Variants in ZNF879 observed in about 807,000 individuals in gnomAD.
The protein encoded by ZNF879 is zinc finger protein 879.
Under a neutral mutation model 44.3 loss-of-function variants are expected in ZNF879, and 32 were observed. The observed-to-expected ratio is 0.72, with a 90% CI of 0.54 to 0.97. The LOEUF is 0.97. Ranked by LOEUF, ZNF879 falls within the 50% of genes least tolerant of loss-of-function variation. The pLI, the probability that ZNF879 is intolerant of heterozygous loss-of-function variation, is 0.00. For missense variants in ZNF879, 621 were observed against 669.7 expected (o/e 0.93, Z 0.80); for synonymous variants, 234 against 233.2 (o/e 1.00, Z -0.03).
rs1291448959 is a variant in ZNF879, at chr5:179,032,905, T to A, written c.957T>A (p.Asn319Lys). 7 of 1,570,816 alleles carry A rather than the reference T, an allele frequency of 4.5e-6. No homozygotes were observed. The highest frequency in any genetic ancestry group is 6.0e-6 in the Non-Finnish European group (7 of 1,157,952). ...IHTGEKPYKC[N>K]ECGRAFSQCS... ...CAGGAGAGAAGCCCTATAAGTGTAA[T>A]GAATGTGGGAGGGCCTTCAGTCAGT... is the stretch of plus-strand genomic sequence containing the variant. Residue 319 changes from asparagine to lysine, a missense_variant, in exon 5 of 5, where the codon AAT becomes AAA. Physicochemically the swap from Asn to Lys is moderately conservative, Grantham distance 94. Transcript: ENST00000444149.
rs751554012 is a variant in ZNF879, at chr5:179,032,871, G to T, written c.923G>T (p.Arg308Leu). The change falls in exon 5 of 5, where the codon CGA becomes CTA. Residue 308 changes from arginine (R) to leucine (L), a missense_variant. Physicochemically the swap from Arg to Leu is moderately radical, Grantham distance 102. Transcript: ENST00000444149. ...KGSSSLNNHQ[R>L]IHTGEKPYKC... ...AGTTCATCTCTTAATAATCACCAGC[G>T]AATTCACACAGGAGAGAAGCCCTAT... is the stretch of plus-strand genomic sequence containing the variant. 4 of 1,568,118 alleles carry T rather than the reference G, an allele frequency of 2.6e-6. No individual in the cohort carries two copies. The highest frequency in any genetic ancestry group is 2.6e-6 in the Non-Finnish European group (3 of 1,156,546).
At chr5:179,028,926 G>C (rs928149343) in intron 4 of ZNF879, among the ~76,000 whole-genome samples, 1 of 152,050 alleles carries the variant, frequency 6.6e-6, no homozygotes, top group Non-Finnish European at 1.5e-5. Context: ...TCACTTTTGC[G>C]TTTCCATTCG....
chr5:179,033,765 A>G lies in ZNF879; in HGVS notation c.*125A>G. On this transcript the variant is annotated 3_prime_UTR_variant, in exon 5 of 5. Transcript: ENST00000444149. ...AGGTAAAACTTCAGCATTAGACCTC[A>G]TCACACATCAGAGACTTCATGATGC... 1 of 648,156 alleles carries G rather than the reference A, an allele frequency of 1.5e-6. No homozygotes were observed. The highest frequency in any genetic ancestry group is 2.5e-6 in the Non-Finnish European group (1 of 397,278). 40.2% of individuals were successfully genotyped at this position (648,156 alleles called of 1,614,324 possible).
In ZNF879 at chr5:179,032,541, A is replaced by G. The variant is rs1395772910; in HGVS notation, c.593A>G (p.Asn198Ser). 7.1e-6 allele frequency: 11 copies of G among 1,551,774 alleles called. No homozygotes were observed. In the East Asian group the frequency reaches 2.4e-4, roughly 34 times the overall value. Residue 198 changes from asparagine to serine, a missense_variant, in exon 5 of 5, where the codon AAC becomes AGC. Coordinates refer to ENST00000444149, the MANE Select transcript of ZNF879 (RefSeq NM_001136116.3). ...YSVLFKQLGV[N>S]TVRKCYKCNI... is the part of the protein sequence containing the mutation. ...GTTCTCTTTAAACAACTGGGGGTCA[A>G]CACAGTGCGTAAATGTTATAAATGT... is the stretch of plus-strand genomic sequence containing the variant.
In ZNF879 at chr5:179,028,101, G is replaced by A. The variant is rs766871185; in HGVS notation, c.230G>A (p.Ser77Asn). ...GGAGAAGACCCCTGGATGGTGGAGA[G>A]TGGAGTTCCCCAAGGCGCACATCTC... Reference protein sequence around the residue: ...EQGEDPWMVESGVPQGAHLGW... With the variant: ...EQGEDPWMVENGVPQGAHLGW... The change falls in exon 4 of 5, where the codon AGT becomes AAT. Residue 77 changes from serine (S) to asparagine (N), a missense_variant. By Grantham distance (46) the Ser-to-Asn change is conservative. Coordinates refer to ENST00000444149, the MANE Select transcript of ZNF879 (RefSeq NM_001136116.3). The A allele has an allele frequency of 4.5e-6, 7 of 1,551,580 alleles. No individual in the cohort carries two copies. In the South Asian group the frequency reaches 8.3e-5, roughly 18 times the overall value.
rs1011770022 is a variant in ZNF879, at chr5:179,032,822, G to A, written c.874G>A (p.Glu292Lys). ...TGGAGAGAGACCTTATAAATGCAAG[G>A]AATGTGGAAAAACATTTAAAGGTAG... Reference protein sequence around the residue: ...HTGERPYKCKECGKTFKGSSS... With the variant: ...HTGERPYKCKKCGKTFKGSSS... The change falls in exon 5 of 5, where the codon GAA becomes AAA. Residue 292 changes from glutamate to lysine, a missense_variant. By Grantham distance (56) the Glu-to-Lys change is moderately conservative (BLOSUM62 1). Coordinates refer to ENST00000444149, the MANE Select transcript of ZNF879 (RefSeq NM_001136116.3). 1 of 1,555,346 alleles carries A rather than the reference G, an allele frequency of 6.4e-7. No homozygotes were observed. Among genetic ancestry groups the A allele is most frequent in the Non-Finnish European group, 8.7e-7 (1 of 1,149,320 alleles).
chr5:179,032,001 T>C (rs144741879), intron 4 of ZNF879, among the ~76,000 whole-genome samples: 48 of 152,288 alleles, frequency 3.2e-4, no homozygotes, highest in Admixed American at 1.4e-3. Flanking sequence ...TGTTGTCCCC[T>C]AATTTCCTCA....
rs559076917 is a variant in ZNF879, at chr5:179,033,477, A to G, written c.1529A>G (p.Lys510Arg). ...IQHQRIHTGE[K>R]PYNCKVCGKA... ...CACCAGAGAATTCATACTGGAGAGA[A>G]ACCATATAATTGTAAAGTGTGTGGG... The change falls in exon 5 of 5, where the codon AAA becomes AGA. Residue 510 changes from lysine (K) to arginine (R), a missense_variant. Transcript: ENST00000444149. 3.8e-6 allele frequency: 6 copies of G among 1,565,152 alleles called. No homozygotes were observed. The South Asian group carries it at 7.0e-5, about 18-fold the overall frequency.
At chr5:179,024,319 C>G (rs1761197781) in intron 1 of ZNF879, 1 of 152,224 alleles carries the variant, frequency 6.6e-6, no homozygotes, top group Non-Finnish European at 1.5e-5. Context: ...CAGTGTTTTC[C>G]TACAGCCAGT....
chr5:179,027,039 T>C (rs1401855437), intron 2 of ZNF879, among the ~76,000 whole-genome samples: 1 of 152,172 alleles, frequency 6.6e-6, no homozygotes, highest in Non-Finnish European at 1.5e-5. Context: ...CCAGGACTCA[T>C]AGAGATGGCC....
chr5:179,025,929 A>T (rs988332991), intron 2 of ZNF879, among the ~76,000 whole-genome samples: 3 of 151,668 alleles, frequency 2.0e-5, no homozygotes, highest in African/African-American at 7.2e-5. Flanking sequence ...AAAAAAAAAA[A>T]GCCAGGTGTG....
In ZNF879 at chr5:179,032,651, A is replaced by C. The variant is rs758001963; in HGVS notation, c.703A>C (p.Lys235Gln). Residue 235 changes from lysine (K) to glutamine (Q), a missense_variant, in exon 5 of 5, where the codon AAG becomes CAG. Coordinates refer to ENST00000444149, the MANE Select transcript of ZNF879 (RefSeq NM_001136116.3). ...CACTGGAGAGAAGCTCTATAAATGT[A>C]AGGAATGTAGGAAAGCCTTCAGCCA... ...IHTGEKLYKC[K>Q]ECRKAFSQSS... 124 of 1,569,500 alleles carry C rather than the reference A, an allele frequency of 7.9e-5. 1 individual carries two copies. Among genetic ancestry groups the C allele is most frequent in the Non-Finnish European group, 1.0e-4 (120 of 1,157,396 alleles).
rs1201680493 is a variant in ZNF879, at chr5:179,034,248, C to G, written c.*608C>G. ...GACGTACTGTCTTTGCGTTTTCTTC[C>G]TGACTACTTGTTCCAAACTCTGAGT... is the stretch of plus-strand genomic sequence containing the variant. On this transcript the variant is annotated 3_prime_UTR_variant, in exon 5 of 5. Transcript: ENST00000444149. 1 of 76,494 alleles carries G rather than the reference C, an allele frequency of 1.3e-5. No individual in the cohort carries two copies. The highest frequency in any genetic ancestry group is 3.0e-5 in the African/African-American group (1 of 33,462). The allele number at this position is 76,494 out of a possible 1,614,324, so 4.7% of individuals were successfully genotyped here.
intron 4 of ZNF879, among the ~76,000 whole-genome samples, chr5:179,029,517 T>A (rs1179753182): frequency 6.6e-6 from 1 of 152,228 alleles, no homozygotes; most frequent in Non-Finnish European, 1.5e-5. Context: ...ATGGTAGCTA[T>A]AAATGAGTTT....
At chr5:179,031,491 C>CT (rs1446844414) in intron 4 of ZNF879, among the ~76,000 whole-genome samples, 2 of 152,242 alleles carry the variant, frequency 1.3e-5, no homozygotes, top group African/African-American at 4.8e-5. Context: ...TAGATCTCAT[C>CT]TTTAATTTCA....
intron 4 of ZNF879, among the ~76,000 whole-genome samples, chr5:179,029,317 T>A (rs1370560767): frequency 2.0e-5 from 3 of 152,184 alleles, no homozygotes; most frequent in Non-Finnish European, 4.4e-5. Flanking sequence ...TATTTTTTTT[T>A]CTTTGTTCTT....
intron 1 of ZNF879, chr5:179,024,527 A>G (rs1761205065): frequency 6.5e-6 from 1 of 153,676 alleles, no homozygotes; most frequent in Admixed American, 6.5e-5. Context: ...TAAAGGAAGT[A>G]AATCTTACAA....
In ZNF879 at chr5:179,033,427, C is replaced by T; in HGVS notation, c.1479C>T (p.Phe493=). 6.4e-7 allele frequency: 1 copy of T among 1,562,304 alleles called. No individual in the cohort carries two copies. The highest frequency in any genetic ancestry group is 8.7e-7 in the Non-Finnish European group (1 of 1,153,252). The change falls in exon 5 of 5, where the codon TTC becomes TTT. Residue 493 remains phenylalanine (F), a synonymous_variant. Transcript: ENST00000444149. ...AATGTAATGACTGTGAGAAAGCCTT[C>T]AACCAAAGCTCAGCTCTAATTCAGC... ...PYKCNDCEKA[F]NQSSALIQHQ... is the part of the protein sequence containing the mutation.
chr5:179,031,516 A>G (rs1761419382), intron 4 of ZNF879, among the ~76,000 whole-genome samples: 2 of 152,182 alleles, frequency 1.3e-5, no homozygotes, highest in South Asian at 2.1e-4. Flanking sequence ...CTCATCACCC[A>G]GTTTAAAATA....
Sources: allele counts gnomAD v4.1 joint callset (sites outside exome capture counted in the v4.1 genomes callset), GRCh38; gene constraint gnomAD v4.1.1; transcripts MANE v1.5; gene names NCBI Gene and HGNC (gene_info 2026-07-23, HGNC 2026-07-21).